Variants in THBS1 observed in about 807,000 individuals in gnomAD.
THBS1 encodes thrombospondin 1, also known as thrombospondin-1.
THBS1 carries 29 observed loss-of-function variants against 126.1 expected under a neutral mutation model. That is an observed-to-expected ratio of 0.23 (90% confidence interval 0.17 to 0.31). THBS1 has a LOEUF of 0.31. Among genes scored for constraint, THBS1 ranks in the 10% least tolerant of loss-of-function variants. The pLI, the probability that THBS1 is intolerant of heterozygous loss-of-function variation, is 1.00. For missense variants in THBS1, 1,198 were observed against 1,545.2 expected, an observed-to-expected ratio of 0.78 and a Z score of 3.77; for synonymous variants, 496 against 577.8, an observed-to-expected ratio of 0.86 and a Z score of 2.03.
In THBS1 at chr15:39,582,644, G is replaced by C; in HGVS notation, c.519G>C (p.Lys173Asn). ...DRAQLYIDCEKMENAELDVPI... is the reference protein window; with the variant it reads ...DRAQLYIDCENMENAELDVPI... ...CCCAGCTGTACATCGACTGTGAAAA[G>C]ATGGAGAATGCTGAGTTGGACGTCC... is the stretch of plus-strand genomic sequence containing the variant. The change falls in exon 3 of 22, where the codon AAG (lysine) becomes AAC (asparagine). Residue 173 changes from lysine to asparagine, a missense_variant. Physicochemically the swap from Lys to Asn is moderately conservative, Grantham distance 94 (BLOSUM62 0). This residue lies in a region of THBS1 where 271 missense variants were observed against 277.0 expected (regional missense o/e 0.98). Coordinates refer to ENST00000260356, the MANE Select transcript of THBS1 (RefSeq NM_003246.4). The C allele has an allele frequency of 6.2e-7, 1 of 1,613,980 alleles. No homozygotes were observed. Among genetic ancestry groups the C allele is most frequent in the African/African-American group, 1.3e-5 (1 of 75,072 alleles).
At position 39,587,327 on chromosome 15, in the gene THBS1, A is replaced by T; in HGVS notation, c.1121-20A>T. On this transcript the variant is annotated intron_variant, in intron 7 of 21. Transcript: ENST00000260356. ...TGTCCTAATCATCACGTACCTGATG[A>T]ACCTCTGTTTCCCCTGCAGCCAGCG... The T allele has an allele frequency of 6.2e-7, 1 of 1,602,436 alleles. No individual in the cohort carries two copies. The highest frequency in any genetic ancestry group is 8.5e-7 in the Non-Finnish European group (1 of 1,172,456).
rs962604348 is a variant in THBS1, at chr15:39,590,903, A to C, written c.2253+280A>C. On this transcript the variant is annotated intron_variant, in intron 14 of 21. Transcript: ENST00000260356. Reference sequence around the variant, plus strand: ...CACTTTGTTCCCTAGATTCATTTCAAATGTCACATCGAAATTACAGTAAAA... The same window carrying C: ...CACTTTGTTCCCTAGATTCATTTCACATGTCACATCGAAATTACAGTAAAA... 9 of 535,824 alleles carry C rather than the reference A, an allele frequency of 1.7e-5. No homozygotes were observed. In the African/African-American group the frequency reaches 1.7e-4, roughly 10 times the overall value. The allele number at this position is 535,824 out of a possible 1,614,324, so 33.2% of individuals were successfully genotyped here. A position where few individuals can be genotyped will look rare whatever the true frequency, so the allele number is the denominator to read the frequency against.
chr15:39,581,642 C>T (rs1890106413), intron 1 of THBS1, 187 bp from the exon 2 acceptor site: 2 of 331,332 alleles, frequency 6.0e-6, no homozygotes, highest in Non-Finnish European at 1.1e-5. Flanking sequence ...TCCTCCACCT[C>T]TCTCTCTCTC....
Position 39,592,431 on chromosome 15 carries a change from A to G in THBS1, c.2533-137A>G, listed in dbSNP as rs1309668595. On this transcript the variant is annotated intron_variant, in intron 16 of 21. Transcript: ENST00000260356. The surrounding 1 kb of genome is among the most constrained non-coding windows in gnomAD (Gnocchi z 4.3). ...ATTGCTACTATTGCTATCTTTCTGC[A>G]GGAGTGTGTAAATAGACATGACACC... The G allele has an allele frequency of 3.6e-5, 23 of 631,338 alleles. No individual in the cohort carries two copies. Among genetic ancestry groups the G allele is most frequent in the South Asian group, 1.6e-4 (7 of 44,320 alleles). 39.1% of individuals were successfully genotyped at this position (631,338 alleles called of 1,614,324 possible).
At chr15:39,585,149 T>C (rs1280276433) in intron 6 of THBS1, among the ~76,000 whole-genome samples, 1 of 152,238 alleles carries the variant, frequency 6.6e-6, no homozygotes, top group East Asian at 1.9e-4. Flanking sequence ...TTTTCTGAGT[T>C]TGATTTCAGA....
Position 39,591,632 on chromosome 15 carries a change from A to G in THBS1, c.2532+9A>G, listed in dbSNP as rs763149988. On this transcript the variant is annotated intron_variant, in intron 16 of 21. Coordinates refer to ENST00000260356, the MANE Select transcript of THBS1 (RefSeq NM_003246.4). The stretch of plus-strand genomic sequence containing the variant: ...AACACAATCCGGATCAGGTAGGTGG[A>G]TGGACTCCTTTCAGAGTCTTTCAGT... 14 of 1,608,296 alleles carry G rather than the reference A, an allele frequency of 8.7e-6. No individual in the cohort carries two copies. The Admixed American group carries it at 2.3e-4, about 27-fold the overall frequency.
In THBS1 at chr15:39,581,533, AC is replaced by A. The variant is rs1222039999; in HGVS notation, c.-29-292del. ...CTGTACTTCCCCTGCCCTCCCTGCA[AC>A]CCCAAACTACAGTTCCTGATCTTGC... On this transcript the variant is annotated intron_variant, in intron 1 of 21. Coordinates refer to ENST00000260356, the MANE Select transcript of THBS1 (RefSeq NM_003246.4). 4.0e-5 allele frequency among the ~76,000 whole-genome samples: 6 copies of A among 151,478 alleles called. No individual in the cohort carries two copies. In the East Asian group the frequency reaches 1.2e-3, roughly 29 times the overall value.
chr15:39,585,448 C>T (rs375286615), intron 6 of THBS1, 22 bp from the exon 7 acceptor site: 1 of 1,610,124 alleles, frequency 6.2e-7, no homozygotes, highest in African/African-American at 1.3e-5. Flanking sequence ...GCCTGTTCCC[C>T]TCTCACTCTC....
chr15:39,598,603 T>C lies in THBS1; in HGVS notation c.*3234T>C. 1 of 152,186 alleles carries C rather than the reference T, an allele frequency of 6.6e-6. No individual in the cohort carries two copies. The highest frequency in any genetic ancestry group is 1.9e-4 in the East Asian group (1 of 5,202). The allele number at this position is 152,186 out of a possible 1,614,324, so 9.4% of individuals were successfully genotyped here. Reference sequence around the variant, plus strand: ...AAAAAGTGACTGGAAAGAGGAGCTTTTCTTCCAGGCATGTTCCAGTTTCAC... The same window carrying C: ...AAAAAGTGACTGGAAAGAGGAGCTTCTCTTCCAGGCATGTTCCAGTTTCAC... On this transcript the variant is annotated 3_prime_UTR_variant, in exon 22 of 22. Coordinates refer to ENST00000260356, the MANE Select transcript of THBS1 (RefSeq NM_003246.4).
chr15:39,596,128 A>T lies in THBS1; in HGVS notation c.*759A>T. The T allele has an allele frequency of 3.4e-6, 1 of 290,852 alleles. No homozygotes were observed. Among genetic ancestry groups the T allele is most frequent in the Non-Finnish European group, 6.8e-6 (1 of 146,772 alleles). The allele number at this position is 290,852 out of a possible 1,614,324, so 18.0% of individuals were successfully genotyped here. On this transcript the variant is annotated 3_prime_UTR_variant, in exon 22 of 22. Coordinates refer to ENST00000260356, the MANE Select transcript of THBS1 (RefSeq NM_003246.4). Reference sequence around the variant, plus strand: ...CAGTGCTGGCTGCCATTGCCTGGTCACATTGAAATTGGTGGCTTCATTCTA... The same window carrying T: ...CAGTGCTGGCTGCCATTGCCTGGTCTCATTGAAATTGGTGGCTTCATTCTA...
Position 39,589,052 on chromosome 15 carries a change from G to C in THBS1, c.1739G>C (p.Ser580Thr). 1.2e-6 allele frequency: 2 copies of C among 1,614,208 alleles called. No homozygotes were observed. The highest frequency in any genetic ancestry group is 2.2e-5 in the South Asian group (2 of 91,086). The change falls in exon 11 of 22, where the codon AGT becomes ACT. Residue 580 changes from serine (S) to threonine (T), a missense_variant. By Grantham distance (58) the Ser-to-Thr change is moderately conservative (BLOSUM62 1). Coordinates refer to ENST00000260356, the MANE Select transcript of THBS1 (RefSeq NM_003246.4). This position sits in a 1 kb window ranked among gnomAD's most constrained non-coding sequence, Gnocchi z 4.7. Reference protein sequence around the residue: ...WKCGACPPGYSGNGIQCTDVD... With the variant: ...WKCGACPPGYTGNGIQCTDVD... ...TGTGGTGCTTGTCCCCCTGGTTACAGTGGAAATGGCATCCAGTGCACAGAT... is the reference window on the plus strand; with the variant it reads ...TGTGGTGCTTGTCCCCCTGGTTACACTGGAAATGGCATCCAGTGCACAGAT...
Position 39,592,720 on chromosome 15 carries a change from C to A in THBS1, c.2685C>A (p.Asp895Glu), listed in dbSNP as rs1242153398. Residue 895 changes from aspartate to glutamate, a missense_variant, in exon 17 of 22, where the codon GAC becomes GAA. Coordinates refer to ENST00000260356, the MANE Select transcript of THBS1 (RefSeq NM_003246.4). This position sits in a 1 kb window ranked among gnomAD's most constrained non-coding sequence, Gnocchi z 4.3. ...AAGATGGCAAGGGAGATGCCTGTGA[C>A]CACGATGATGACAACGATGGCATTC... ...HDKDGKGDAC[D>E]HDDDNDGIPD... is the part of the protein sequence containing the mutation. 6.2e-7 allele frequency: 1 copy of A among 1,614,182 alleles called. No homozygotes were observed. The highest frequency in any genetic ancestry group is 1.7e-5 in the Admixed American group (1 of 60,020).
chr15:39,590,679 C>A, intron 14 of THBS1, 56 bp downstream of exon 14: 1 of 1,445,044 alleles, frequency 6.9e-7, no homozygotes, highest in Non-Finnish European at 9.7e-7. Flanking sequence ...CAGCCTGAAA[C>A]ACTTTGGGAT....
intron 8 of THBS1, among the ~76,000 whole-genome samples, 176 bp downstream of exon 8, chr15:39,587,696 C>G (rs1134486): frequency 0.13 from 19,676 of 152,254 alleles, 1,426 homozygotes; most frequent in East Asian, 0.31. Flanking sequence ...GCTCTTTCCT[C>G]ATTTGCAACT....
At chr15:39,581,718 G>T (rs997283584) in intron 1 of THBS1, 111 bp from the exon 2 acceptor site, 7 of 598,654 alleles carry the variant, frequency 1.2e-5, no homozygotes, top group Non-Finnish European at 2.1e-5. Context: ...CAAACGCGGG[G>T]TCAAAGAGGG....
chr15:39,587,498 C>T lies in THBS1; in HGVS notation c.1272C>T (p.His424=), dbSNP rs768415333. 9.3e-6 allele frequency: 15 copies of T among 1,613,244 alleles called. No individual in the cohort carries two copies. In the African/African-American group the frequency reaches 2.0e-4, roughly 22 times the overall value. The change falls in exon 8 of 22, where the codon CAC becomes CAT. Residue 424 remains histidine (H), a synonymous_variant. Transcript: ENST00000260356. ...CCTCGGTCCAGACACGGACCTGCCA[C>T]ATTCAGGAGTGTGACAAGAGATGTA... ...EGSSVQTRTC[H]IQECDKRFKQ...
At chr15:39,588,322 G>C in intron 9 of THBS1, 104 bp downstream of exon 9, 1 of 1,408,620 alleles carries the variant, frequency 7.1e-7, no homozygotes, top group Non-Finnish European at 9.5e-7. Flanking sequence ...GAGCAGGAAG[G>C]TTACCTACTA....
Position 39,589,060 on chromosome 15 carries a change from G to A in THBS1, c.1747G>A (p.Gly583Ser), listed in dbSNP as rs750684758. 2 of 1,614,204 alleles carry A rather than the reference G, an allele frequency of 1.2e-6. No individual in the cohort carries two copies. Among genetic ancestry groups the A allele is most frequent in the Non-Finnish European group, 1.7e-6 (2 of 1,180,050 alleles). The change falls in exon 11 of 22, where the codon GGC (glycine) becomes AGC (serine). Residue 583 changes from glycine to serine, a missense_variant. Physicochemically the swap from Gly to Ser is moderately conservative, Grantham distance 56 (BLOSUM62 0). This residue lies in a region of THBS1 where 663 missense variants were observed against 860.1 expected (regional missense o/e 0.77). Transcript: ENST00000260356. This position sits in a 1 kb window ranked among gnomAD's most constrained non-coding sequence, Gnocchi z 4.7. The part of the protein sequence containing the change: ...GACPPGYSGN[G>S]IQCTDVDECK... ...TTGTCCCCCTGGTTACAGTGGAAAT[G>A]GCATCCAGTGCACAGATGTTGATGA...
At position 39,595,491 on chromosome 15, in the gene THBS1, G is replaced by T; in HGVS notation, c.*122G>T. The T allele has an allele frequency of 1.5e-6, 2 of 1,329,940 alleles. No individual in the cohort carries two copies. Among genetic ancestry groups the T allele is most frequent in the Non-Finnish European group, 2.0e-6 (2 of 989,026 alleles). The allele number at this position is 1,329,940 out of a possible 1,614,324, so 82.4% of individuals were successfully genotyped here. On this transcript the variant is annotated 3_prime_UTR_variant, in exon 22 of 22. Transcript: ENST00000260356. ...CTTGGCTTCCTTCTTTTCTGTGCTTGCATCAGTGTGGACTCCTAGAACGTG... is the reference window on the plus strand; with the variant it reads ...CTTGGCTTCCTTCTTTTCTGTGCTTTCATCAGTGTGGACTCCTAGAACGTG...
Sources: gnomAD v4.1 joint callset for allele counts (sites outside exome capture counted in the v4.1 genomes callset) on GRCh38, gnomAD v4.1.1 for gene constraint, gnomAD v4.1.1 regional missense constraint, Gnocchi (gnomAD v3.1) non-coding constraint, MANE v1.5 for transcripts, NCBI Gene and HGNC (gene_info 2026-07-23, HGNC 2026-07-21) for gene names.